Variants in CERS6 observed in about 807,000 individuals in gnomAD.
CERS6 encodes ceramide synthase 6.
CERS6 carries 26 observed loss-of-function variants against 56.8 expected under a neutral mutation model. The ratio of observed to expected loss-of-function variants is 0.46; its 90% CI spans 0.34 to 0.63. The LOEUF is 0.63. CERS6 is among the 30% of genes least tolerant of loss of function. The probability of loss-of-function intolerance (pLI) is 0.01; values close to 1 mark genes in which losing one functional copy is unlikely to be tolerated. For synonymous variants in CERS6, 164 were observed against 173.3 expected (o/e 0.95, Z 0.42); for missense variants, 415 against 467.5 (o/e 0.89, Z 1.04).
intron 4 of CERS6, among the ~76,000 whole-genome samples, chr2:168,653,043 T>C (rs1032373514): frequency 1.3e-5 from 2 of 152,222 alleles, no homozygotes; most frequent in African/African-American, 4.8e-5. Flanking sequence ...GCACATGAAG[T>C]CTAGCTTCTC....
rs573678421 is a variant in CERS6, at chr2:168,576,032, C to T, written c.407+14710C>T. ...TATTTGTGGTAACAGGAAGGGAGTC[C>T]AGGCAGGGACATAGGGAGGTAGAGT... On this transcript the variant is annotated intron_variant, in intron 3 of 9. Transcript: ENST00000305747. Among the ~76,000 whole-genome samples the T allele has an allele frequency of 2.2e-4, 34 of 152,166 alleles. No individual in the cohort carries two copies. The South Asian group carries it at 7.1e-3, about 32-fold the overall frequency.
At chr2:168,742,194 TC>T (rs1325637601) in intron 8 of CERS6, among the ~76,000 whole-genome samples, 2 of 152,258 alleles carry the variant, frequency 1.3e-5, no homozygotes, top group Non-Finnish European at 2.9e-5. Flanking sequence ...TGATGTTTCA[TC>T]CCCTTTTTTG....
At chr2:168,501,732 AC>A (rs1365072276) in intron 1 of CERS6, among the ~76,000 whole-genome samples, 3 of 152,192 alleles carry the variant, frequency 2.0e-5, no homozygotes, top group Non-Finnish European at 4.4e-5. Context: ...AGCCCAGAGG[AC>A]TGCAAGTGAT....
intron 4 of CERS6, among the ~76,000 whole-genome samples, chr2:168,663,406 T>C (rs538425275): frequency 6.6e-6 from 1 of 152,248 alleles, no homozygotes; most frequent in East Asian, 1.9e-4. Flanking sequence ...AAAAAAACTA[T>C]TATAATTTTA....
intron 8 of CERS6, among the ~76,000 whole-genome samples, chr2:168,756,468 G>A (rs1257968377): frequency 6.6e-6 from 1 of 152,208 alleles, no homozygotes; most frequent in Non-Finnish European, 1.5e-5. Flanking sequence ...TTTCAGTAAT[G>A]GAGACAATTC....
chr2:168,469,202 C>G (rs537861028), intron 1 of CERS6, among the ~76,000 whole-genome samples: 1 of 152,122 alleles, frequency 6.6e-6, no homozygotes, highest in East Asian at 1.9e-4. Context: ...GTGAATGTGA[C>G]GAACCTAGGC....
In CERS6 at chr2:168,456,656, GCA is replaced by G. The variant is rs771498676; in HGVS notation, c.170+46_170+47del. On this transcript the variant is annotated intron_variant, in intron 1 of 9. Coordinates refer to ENST00000305747, the MANE Select transcript of CERS6 (RefSeq NM_203463.3). This position sits in a 1 kb window ranked among gnomAD's most constrained non-coding sequence, Gnocchi z 4.1. ...GAAGCCCCTCCTCCCCTCCCCCTGC[GCA>G]CACACACGCGCGCACACACTCGCGC... The G allele has an allele frequency of 6.9e-6, 11 of 1,588,566 alleles. No individual in the cohort carries two copies. Among genetic ancestry groups the G allele is most frequent in the South Asian group, 1.1e-5 (1 of 89,298 alleles).
At chr2:168,713,393 A>G (rs1258375928) in intron 6 of CERS6, among the ~76,000 whole-genome samples, 1 of 152,216 alleles carries the variant, frequency 6.6e-6, no homozygotes, top group Non-Finnish European at 1.5e-5. Context: ...GGCTTCAAAT[A>G]GAGCAACATT....
Position 168,656,640 on chromosome 2 carries a change from G to T in CERS6, c.465+25598G>T, listed in dbSNP as rs1408509465. Among the ~76,000 whole-genome samples the T allele has an allele frequency of 3.3e-5, 5 of 152,164 alleles. No individual in the cohort carries two copies. In the East Asian group the frequency reaches 9.6e-4, roughly 29 times the overall value. On this transcript the variant is annotated intron_variant, in intron 4 of 9. Transcript: ENST00000305747. ...GTGAAGCTGCAGATCTTCGCGGTGA[G>T]TGTCACAGCTCATAAAAGCAGCGTG...
intron 2 of CERS6, among the ~76,000 whole-genome samples, chr2:168,553,170 T>C (rs1002846963): frequency 2.2e-4 from 33 of 151,482 alleles, no homozygotes; most frequent in Non-Finnish European, 2.4e-4. Context: ...ATATGGAAGA[T>C]AGAAAGAATA....
At chr2:168,544,008 T>C (rs1305667892) in intron 1 of CERS6, among the ~76,000 whole-genome samples, 2 of 152,186 alleles carry the variant, frequency 1.3e-5, no homozygotes, top group African/African-American at 4.8e-5. Context: ...TTTTACTTGA[T>C]GGTTTTATTC....
At chr2:168,760,093 C>T (rs1395667071) in intron 8 of CERS6, among the ~76,000 whole-genome samples, 1 of 152,142 alleles carries the variant, frequency 6.6e-6, no homozygotes, top group East Asian at 1.9e-4. Context: ...CCTCAGATCC[C>T]CCCAACCCCA....
chr2:168,523,008 C>T (rs1307644658), intron 1 of CERS6, among the ~76,000 whole-genome samples: 1 of 152,192 alleles, frequency 6.6e-6, no homozygotes, highest in Non-Finnish European at 1.5e-5. Flanking sequence ...CTATTGATAG[C>T]TGTATTAGTA....
chr2:168,759,730 T>G (rs1559083396), intron 8 of CERS6, among the ~76,000 whole-genome samples: 1 of 152,168 alleles, frequency 6.6e-6, no homozygotes. Context: ...ATTATGTGTG[T>G]GGGGGATAAA....
At chr2:168,653,809 A>G (rs999671287) in intron 4 of CERS6, among the ~76,000 whole-genome samples, 2 of 152,238 alleles carry the variant, frequency 1.3e-5, no homozygotes, top group African/African-American at 2.4e-5. Flanking sequence ...TGTCTTAGCA[A>G]TATGCCCTGG....
chr2:168,488,695 C>T (rs755568055), intron 1 of CERS6, among the ~76,000 whole-genome samples: 5 of 151,886 alleles, frequency 3.3e-5, no homozygotes, highest in Non-Finnish European at 5.9e-5. Context: ...TCCATATTAG[C>T]TATTTTGCTA....
At chr2:168,529,140 G>T (rs1328325444) in intron 1 of CERS6, among the ~76,000 whole-genome samples, 2 of 152,198 alleles carry the variant, frequency 1.3e-5, no homozygotes, top group Non-Finnish European at 2.9e-5. Context: ...AAACTAGTTT[G>T]TTGATGTTGA....
chr2:168,615,705 C>A (rs534515359), intron 3 of CERS6, among the ~76,000 whole-genome samples: 299 of 152,230 alleles, frequency 2.0e-3, no homozygotes, highest in South Asian at 3.3e-3. Flanking sequence ...CAAAGCCTCC[C>A]AGAAATCTGG....
At chr2:168,478,041 T>A (rs1285746882) in intron 1 of CERS6, among the ~76,000 whole-genome samples, 1 of 152,168 alleles carries the variant, frequency 6.6e-6, no homozygotes, top group Admixed American at 6.5e-5. Flanking sequence ...CTTCATGATA[T>A]TTTTCCCTGG....
Sources: allele counts gnomAD v4.1 joint callset (sites outside exome capture counted in the v4.1 genomes callset), GRCh38; gene constraint gnomAD v4.1.1; non-coding constraint Gnocchi (gnomAD v3.1); transcripts MANE v1.5; gene names NCBI Gene and HGNC (gene_info 2026-07-23, HGNC 2026-07-21).